The following ANKRD16 variants were observed in gnomAD, a reference collection of about 807,000 sequenced individuals.
ANKRD16 encodes ankyrin repeat domain 16.
ANKRD16 carries 35 observed loss-of-function variants against 37.9 expected under a neutral mutation model. The ratio of observed to expected loss-of-function variants is 0.92; its 90% CI spans 0.71 to 1.23. The LOEUF (loss-of-function observed/expected upper bound fraction) is 1.23, where lower values mean the gene tolerates loss of function less well. Ranked by LOEUF, ANKRD16 falls within the 50% of genes most tolerant of loss-of-function variation. The probability of loss-of-function intolerance (pLI) is 0.00; values close to 1 mark genes in which losing one functional copy is unlikely to be tolerated. For missense variants in ANKRD16, 480 were observed against 469.9 expected, an observed-to-expected ratio of 1.02 and a Z score of -0.20; for synonymous variants, 206 against 197.2, an observed-to-expected ratio of 1.04 and a Z score of -0.37.
In ANKRD16 at chr10:5,883,185, G is replaced by A. The variant is rs1490554292; in HGVS notation, c.688-18C>T. ...AGGCAAGCCTAGTGGGCAGAGGAGAGAAAGGAGCAAAGGTCAAAGATAAGA... is the reference window on the plus strand; with the variant it reads ...AGGCAAGCCTAGTGGGCAGAGGAGAAAAAGGAGCAAAGGTCAAAGATAAGA... On this transcript the variant is annotated intron_variant, in intron 4 of 7. Transcript: ENST00000380094. 1.2e-6 allele frequency: 2 copies of A among 1,610,426 alleles called. No individual in the cohort carries two copies. The highest frequency in any genetic ancestry group is 1.7e-6 in the Non-Finnish European group (2 of 1,178,864).
intron 7 of ANKRD16, among the ~76,000 whole-genome samples, chr10:5,875,599 G>A (rs1842170111): frequency 1.3e-5 from 2 of 152,066 alleles, no homozygotes; most frequent in African/African-American, 2.4e-5. Context: ...CTATAATTAG[G>A]GAGTAATAGA....
rs1201397057 is a variant in ANKRD16, at chr10:5,875,705, TTAA to T, written c.*33+2389_*33+2391del. On this transcript the variant is annotated intron_variant, in intron 7 of 7. Coordinates refer to ENST00000380094, the MANE Select transcript of ANKRD16 (RefSeq NM_019046.3). ...ATTATTGCTACTCTCTTTGCTGCAA[TTAA>T]TGTTCTTTTTTTTTTTTTTTTTGAG... Among the ~76,000 whole-genome samples the T allele has an allele frequency of 2.3e-5, 3 of 129,836 alleles. No individual in the cohort carries two copies. The East Asian group carries it at 7.0e-4, about 30-fold the overall frequency. 85.2% of individuals were successfully genotyped at this position (129,836 alleles called of 152,430 possible). A position where few individuals can be genotyped will look rare whatever the true frequency, so the allele number is the denominator to read the frequency against.
At chr10:5,882,834 G>C in intron 5 of ANKRD16, 172 bp downstream of exon 5, 1 of 637,606 alleles carries the variant, frequency 1.6e-6, no homozygotes. Context: ...ATTCAAGTCA[G>C]GTTTCTATTT....
chr10:5,869,930 G>A lies in ANKRD16; in HGVS notation c.*34-7239C>T, dbSNP rs889200712. 6.6e-5 allele frequency among the ~76,000 whole-genome samples: 10 copies of A among 152,182 alleles called. No individual in the cohort carries two copies. The highest frequency in any genetic ancestry group is 2.1e-4 in the South Asian group (1 of 4,816). ...GCATCACTTAGCATGGTATCCAGTAGGTAGTTTTTTTGACTGGCCCCCGCA... is the reference window on the plus strand; with the variant it reads ...GCATCACTTAGCATGGTATCCAGTAAGTAGTTTTTTTGACTGGCCCCCGCA... On this transcript the variant is annotated intron_variant, in intron 7 of 7. Coordinates refer to ENST00000380094, the MANE Select transcript of ANKRD16 (RefSeq NM_019046.3). This position sits in a 1 kb window ranked among gnomAD's most constrained non-coding sequence, Gnocchi z 4.0.
rs1406214887 is a variant in ANKRD16 at position 5,882,997 on chromosome 10, G to C, written c.849+9C>G. ...GGAAGCTCGGACAACGTTATAAGAAGTAACAAACCTTAGCTGCATAATGAA... is the reference window on the plus strand; with the variant it reads ...GGAAGCTCGGACAACGTTATAAGAACTAACAAACCTTAGCTGCATAATGAA... On this transcript the variant is annotated intron_variant, in intron 5 of 7. Coordinates refer to ENST00000380094, the MANE Select transcript of ANKRD16 (RefSeq NM_019046.3). 1 of 1,612,164 alleles carries C rather than the reference G, an allele frequency of 6.2e-7. No homozygotes were observed. Among genetic ancestry groups the C allele is most frequent in the Non-Finnish European group, 8.5e-7 (1 of 1,179,858 alleles).
chr10:5,874,080 G>A lies in ANKRD16; in HGVS notation c.*33+4017C>T, dbSNP rs142542388. ...TAATTTTTGTATTTTTAGTAAAGAC[G>A]GGATTTCACCATGTTGGCCAGGATG... On this transcript the variant is annotated intron_variant, in intron 7 of 7. Coordinates refer to ENST00000380094, the MANE Select transcript of ANKRD16 (RefSeq NM_019046.3). The surrounding 1 kb of genome is among the most constrained non-coding windows in gnomAD (Gnocchi z 4.7). Among the ~76,000 whole-genome samples, 2,238 of 152,098 alleles carry A rather than the reference G, an allele frequency of 0.015. 44 individuals carry two copies. The highest frequency in any genetic ancestry group is 0.044 in the African/African-American group (1,837 of 41,460).
chr10:5,883,078 G>C lies in ANKRD16; in HGVS notation c.777C>G (p.Val259=). 6.2e-7 allele frequency: 1 copy of C among 1,614,158 alleles called. No homozygotes were observed. Among genetic ancestry groups the C allele is most frequent in the Non-Finnish European group, 8.5e-7 (1 of 1,180,044 alleles). ...TGQDEAIRFL[V]SELGVDVDVR... is the part of the protein sequence containing the mutation. ...CATCTACATCGACGCCAAGTTCAGAGACCAAGAATCGGATGGCTTCGTCCT... is the reference window on the plus strand; with the variant it reads ...CATCTACATCGACGCCAAGTTCAGACACCAAGAATCGGATGGCTTCGTCCT... Residue 259 remains valine (V), a synonymous_variant, in exon 5 of 8, where the codon GTC becomes GTG. Transcript: ENST00000380094.
intron 2 of ANKRD16, among the ~76,000 whole-genome samples, chr10:5,887,374 CTTT>C (rs34678785): frequency 2.2e-5 from 3 of 137,834 alleles, no homozygotes; most frequent in Non-Finnish European, 3.1e-5. Context: ...CCCCTAGATG[CTTT>C]TTTTTTTTTT....
Position 5,887,869 on chromosome 10 carries a change from T to C in ANKRD16, c.513A>G (p.Arg171=), listed in dbSNP as rs1842469619. ...PGAWKTESKI[R]RTPLHTAAMH... Reference sequence around the variant, plus strand: ...TACCTGCAGTATGCAGAGGAGTCCTTCTAATTTTGCTCTCTGTCTTCCAGG... The same window carrying C: ...TACCTGCAGTATGCAGAGGAGTCCTCCTAATTTTGCTCTCTGTCTTCCAGG... The change falls in exon 2 of 8, where the codon AGA becomes AGG. Residue 171 remains arginine (R), a synonymous_variant. Transcript: ENST00000380094. 1.9e-6 allele frequency: 3 copies of C among 1,613,786 alleles called. No individual in the cohort carries two copies. Among genetic ancestry groups the C allele is most frequent in the Non-Finnish European group, 2.5e-6 (3 of 1,179,878 alleles).
intron 2 of ANKRD16, among the ~76,000 whole-genome samples, chr10:5,887,374 C>CA (rs1842441942): frequency 7.3e-6 from 1 of 137,840 alleles, no homozygotes; most frequent in East Asian, 2.1e-4. Flanking sequence ...CCCCTAGATG[C>CA]TTTTTTTTTT....
chr10:5,883,245 C>A, intron 4 of ANKRD16, 78 bp from the exon 5 acceptor site: 1 of 1,488,662 alleles, frequency 6.7e-7, no homozygotes, highest in South Asian at 1.3e-5. Flanking sequence ...TCTGCTGGCA[C>A]TTCAGCAAAA....
At chr10:5,879,990 C>T (rs1444990212) in intron 6 of ANKRD16, among the ~76,000 whole-genome samples, 1 of 151,916 alleles carries the variant, frequency 6.6e-6, no homozygotes, top group East Asian at 1.9e-4. Flanking sequence ...GAAACCCCAT[C>T]TGTACTAAAA....
chr10:5,889,066 C>A lies in ANKRD16; in HGVS notation c.289G>T (p.Val97Phe). Residue 97 changes from valine to phenylalanine, a missense_variant, in exon 1 of 8, where the codon GTC becomes TTC. Val to Phe is a conservative substitution (Grantham distance 50, BLOSUM62 -1). Coordinates refer to ENST00000380094, the MANE Select transcript of ANKRD16 (RefSeq NM_019046.3). ...CAGTCGGCCTTCTTCAGGCAGTCGA[C>A]CGCTGCCCCCCGGCCCAGCAGGTAG... ...VRYLLGRGAAVDCLKKADWTP... is the reference protein window; with the variant it reads ...VRYLLGRGAAFDCLKKADWTP... The A allele has an allele frequency of 6.4e-7, 1 of 1,557,438 alleles. No homozygotes were observed. The highest frequency in any genetic ancestry group is 1.8e-4 in the Middle Eastern group (1 of 5,458).
At chr10:5,881,439 T>TATAAAAAAA (rs1491499689) in intron 5 of ANKRD16, among the ~76,000 whole-genome samples, 1 of 6,952 alleles carries the variant, frequency 1.4e-4, no homozygotes, top group African/African-American at 4.3e-4. Context: ...AAATATTATT[T>TATAAAAAAA]ATATATATAT....
chr10:5,881,226 C>T, intron 5 of ANKRD16: 1 of 255,864 alleles, frequency 3.9e-6, no homozygotes, highest in Non-Finnish European at 6.1e-6. Flanking sequence ...ATTACTGACC[C>T]AATGCAGTTA....
chr10:5,883,250 G>A (rs1842350600), intron 4 of ANKRD16, 83 bp from the exon 5 acceptor site: 2 of 1,404,486 alleles, frequency 1.4e-6, no homozygotes, highest in East Asian at 2.4e-5. Context: ...TGGCACTTCA[G>A]CAAAACTGAG....
At chr10:5,886,311 TTGCCAACTGTGGCTCA>T (rs1178265685) in intron 2 of ANKRD16, among the ~76,000 whole-genome samples, 6 of 152,216 alleles carry the variant, frequency 3.9e-5, no homozygotes, top group African/African-American at 1.4e-4. Flanking sequence ...TGGTCCCTAA[TTGCCAACTGTGGCTCA>T]TGCCTGTAAT....
At chr10:5,872,626 A>T (rs551200094) in intron 7 of ANKRD16, among the ~76,000 whole-genome samples, 4 of 147,400 alleles carry the variant, frequency 2.7e-5, no homozygotes, top group Admixed American at 6.7e-5. Context: ...GCGCGATCTC[A>T]GCTCACTGCA....
chr10:5,880,010 T>G (rs1469907390), intron 6 of ANKRD16, among the ~76,000 whole-genome samples: 1 of 151,482 alleles, frequency 6.6e-6, no homozygotes, highest in African/African-American at 2.4e-5. Flanking sequence ...AATACAAAAA[T>G]TAGCCAGGCA....
Sources: allele counts gnomAD v4.1 joint callset (sites outside exome capture counted in the v4.1 genomes callset), GRCh38; gene constraint gnomAD v4.1.1; non-coding constraint Gnocchi (gnomAD v3.1); transcripts MANE v1.5; gene names NCBI Gene and HGNC (gene_info 2026-07-23, HGNC 2026-07-21).